Variants in TMEM114 observed in about 807,000 individuals in gnomAD.
The protein encoded by TMEM114 is transmembrane protein 114.
Under a neutral mutation model 6.2 loss-of-function variants are expected in TMEM114, and 6 were observed. The ratio of observed to expected loss-of-function variants is 0.97; its 90% CI spans 0.53 to 1.91. The LOEUF (loss-of-function observed/expected upper bound fraction) is 1.91. TMEM114 is among the 40% of genes most tolerant of loss of function. The pLI, the probability that TMEM114 is intolerant of heterozygous loss-of-function variation, is 0.01. For missense variants in TMEM114, 218 were observed against 158.3 expected, an observed-to-expected ratio of 1.38 and a Z score of -2.02; for synonymous variants, 104 against 73.0, an observed-to-expected ratio of 1.42 and a Z score of -2.16.
At chr16:8,562,216 GTAAA>G (rs754382826) in intron 2 of TMEM114, among the ~76,000 whole-genome samples, 13,884 of 149,094 alleles carry the variant, frequency 0.093, 780 homozygotes, top group Middle Eastern at 0.17. Context: ...GAATGAGTGA[GTAAA>G]TGAGTGAGTG....
chr16:8,549,626 C>CGT (rs1306949217), intron 2 of TMEM114, among the ~76,000 whole-genome samples: 3 of 151,476 alleles, frequency 2.0e-5, no homozygotes, highest in Admixed American at 6.6e-5. Flanking sequence ...TGTTTTCCTT[C>CGT]GTGTGTGTGT....
At chr16:8,578,701 G>T (rs1191311198) in intron 2 of TMEM114, among the ~76,000 whole-genome samples, 1 of 152,088 alleles carries the variant, frequency 6.6e-6, no homozygotes. Flanking sequence ...AATGTTGGCT[G>T]GGTGTGGTGG....
chr16:8,532,999 G>A (rs901681864), downstream of TMEM114, among the ~76,000 whole-genome samples: 5 of 152,166 alleles, frequency 3.3e-5, no homozygotes, highest in Non-Finnish European at 5.9e-5. Flanking sequence ...ACACTGTGAT[G>A]AGCTACATTC....
intron 2 of TMEM114, among the ~76,000 whole-genome samples, chr16:8,576,668 C>T (rs1901939413): frequency 6.6e-6 from 1 of 150,704 alleles, no homozygotes; most frequent in African/African-American, 2.5e-5. Flanking sequence ...AGTACATGCT[C>T]CCTGTGCAAT....
intron 2 of TMEM114, among the ~76,000 whole-genome samples, chr16:8,562,540 GTGAA>G: frequency 7.1e-6 from 1 of 140,132 alleles, no homozygotes; most frequent in South Asian, 2.5e-4. Context: ...GAGTGAGTGA[GTGAA>G]TGAGTGAGTG....
chr16:8,535,219 A>G (rs1900320643), downstream of TMEM114, among the ~76,000 whole-genome samples: 1 of 150,396 alleles, frequency 6.6e-6, no homozygotes, highest in Non-Finnish European at 1.5e-5. Context: ...CATAGATACT[A>G]AGGCACTAGG....
intron 2 of TMEM114, among the ~76,000 whole-genome samples, chr16:8,572,883 G>A (rs12103064): frequency 0.016 from 2,494 of 152,316 alleles, 25 homozygotes; most frequent in Non-Finnish European, 0.022. Context: ...CTCCACAGCC[G>A]TGGGACCTTA....
At chr16:8,567,125 T>C (rs1901572909), downstream of TMEM114, among the ~76,000 whole-genome samples, 1 of 151,716 alleles carries the variant, frequency 6.6e-6, no homozygotes, top group Non-Finnish European at 1.5e-5. Context: ...GCCAGGCTAG[T>C]TTCGAACTCC....
At chr16:8,558,063 G>C (rs1268763298) in intron 2 of TMEM114, among the ~76,000 whole-genome samples, 2 of 152,122 alleles carry the variant, frequency 1.3e-5, no homozygotes, top group Admixed American at 1.3e-4. Context: ...ACACCAGCTT[G>C]ACCAACATGG....
At chr16:8,547,114 C>T (rs766726794) in intron 2 of TMEM114, among the ~76,000 whole-genome samples, 12 of 152,100 alleles carry the variant, frequency 7.9e-5, no homozygotes, top group South Asian at 2.1e-4. Flanking sequence ...GTTGAGGGAT[C>T]GTGTGGTCTC....
chr16:8,573,383 A>T (rs1901801295), intron 2 of TMEM114, among the ~76,000 whole-genome samples: 1 of 152,184 alleles, frequency 6.6e-6, no homozygotes, highest in Non-Finnish European at 1.5e-5. Context: ...CCCAAGCCCA[A>T]ACAGTCAAAG....
At chr16:8,564,512 A>T (rs1251957874), downstream of TMEM114, among the ~76,000 whole-genome samples, 4 of 143,928 alleles carry the variant, frequency 2.8e-5, no homozygotes, top group African/African-American at 1.1e-4. Context: ...TGAGTAAATG[A>T]GTGAGTGACG....
intron 2 of TMEM114, among the ~76,000 whole-genome samples, chr16:8,560,152 C>T (rs897740514): frequency 2.0e-5 from 3 of 151,492 alleles, no homozygotes; most frequent in Non-Finnish European, 4.4e-5. Context: ...ACCACCATAC[C>T]CGGCTATTTT....
chr16:8,549,369 G>C (rs375411553), intron 2 of TMEM114, among the ~76,000 whole-genome samples: 2 of 151,240 alleles, frequency 1.3e-5, no homozygotes, highest in South Asian at 2.1e-4. Context: ...AAGTGGTGGT[G>C]GGCACCTGTA....
chr16:8,539,533 T>C (rs145436841), intron 2 of TMEM114, among the ~76,000 whole-genome samples: 2 of 151,978 alleles, frequency 1.3e-5, no homozygotes, highest in South Asian at 2.1e-4. Flanking sequence ...TCTCCTTCCA[T>C]CCTCCCACGC....
intron 3 of TMEM114, 86 bp downstream of exon 3, chr16:8,572,001 C>T: frequency 1.4e-6 from 2 of 1,412,876 alleles, no homozygotes; most frequent in Non-Finnish European, 9.3e-7. Context: ...CCTGGGATCC[C>T]CCTCGTTTGC....
At chr16:8,531,538 G>A in the TMEM114 span, among the ~76,000 whole-genome samples, 50,001 of 152,044 alleles carry the variant, frequency 0.33, 9,132 homozygotes, top group South Asian at 0.47. Flanking sequence ...CAGCAAGATA[G>A]CAGAGGTAGA....
chr16:8,549,038 C>G (rs568043147), intron 2 of TMEM114, among the ~76,000 whole-genome samples: 1 of 152,096 alleles, frequency 6.6e-6, no homozygotes, highest in South Asian at 2.1e-4. Flanking sequence ...AAGATTTAGC[C>G]AGACATGGCA....
chr16:8,580,385 G>A (rs773618248), intron 2 of TMEM114, among the ~76,000 whole-genome samples: 5 of 151,852 alleles, frequency 3.3e-5, no homozygotes, highest in Admixed American at 6.6e-5. Flanking sequence ...TACTCGGGAG[G>A]CTGAGGCAGG....
Sources: gnomAD v4.1 joint callset for allele counts (sites outside exome capture counted in the v4.1 genomes callset) on GRCh38, gnomAD v4.1.1 for gene constraint, MANE v1.5 for transcripts, NCBI Gene and HGNC (gene_info 2026-07-23, HGNC 2026-07-21) for gene names.